RFESD: variants seen among roughly 807,000 people sequenced by gnomAD.
The protein encoded by RFESD is Rieske Fe-S domain containing.
A neutral mutation model predicts 24.4 loss-of-function variants in RFESD; 16 were observed. That is an observed-to-expected ratio of 0.66 (90% CI 0.44 to 1.00). RFESD has a LOEUF of 1.00. RFESD is among the 50% of genes least tolerant of loss of function. The pLI is 0.00. For missense variants in RFESD, 208 were observed against 247.0 expected (o/e 0.84, Z 1.06); for synonymous variants, 59 against 81.8 (o/e 0.72, Z 1.50).
In RFESD at chr5:95,656,378, T is replaced by C; in HGVS notation, c.*69T>C. On this transcript the variant is annotated 3_prime_UTR_variant, in exon 6 of 6. Transcript: ENST00000380005. ...CATTTTTAGAATAACTCTGCTTCAG[T>C]TTTAAAGGTGATGAAATTTTTCAAC... 1 of 1,324,690 alleles carries C rather than the reference T, an allele frequency of 7.5e-7. No individual in the cohort carries two copies. The highest frequency in any genetic ancestry group is 1.0e-6 in the Non-Finnish European group (1 of 964,600). 82.1% of individuals were successfully genotyped at this position (1,324,690 alleles called of 1,614,324 possible).
intron 2 of RFESD, 134 bp from the exon 3 acceptor site, chr5:95,652,983 T>G: frequency 8.1e-7 from 1 of 1,240,954 alleles, no homozygotes; most frequent in Non-Finnish European, 1.1e-6. Context: ...GCTCTTAGAG[T>G]AAAATCCATA....
chr5:95,653,486 T>C (rs1750488848), intron 3 of RFESD, among the ~76,000 whole-genome samples: 1 of 152,270 alleles, frequency 6.6e-6, no homozygotes, highest in Non-Finnish European at 1.5e-5. Flanking sequence ...TTCTGAAATT[T>C]CCTTCTTGAC....
intron 1 of RFESD, among the ~76,000 whole-genome samples, chr5:95,648,358 T>G (rs747323038): frequency 9.2e-5 from 14 of 152,214 alleles, no homozygotes; most frequent in Non-Finnish European, 1.8e-4. Flanking sequence ...CTGTATGAGT[T>G]GTTTAATTTT....
chr5:95,652,123 C>A lies in RFESD; in HGVS notation c.-135-14C>A. On this transcript the variant is annotated splice_polypyrimidine_tract_variant and intron_variant, in intron 1 of 5. Coordinates refer to ENST00000380005, the MANE Select transcript of RFESD (RefSeq NM_001131066.2). ...GAATTTATGTGGCCTCATTGCCTGC[C>A]TTTTTTTTTCCAGGTTACCACCTAT... 1 of 1,037,650 alleles carries A rather than the reference C, an allele frequency of 9.6e-7. No individual in the cohort carries two copies. The highest frequency in any genetic ancestry group is 1.3e-6 in the Non-Finnish European group (1 of 758,868). The allele number at this position is 1,037,650 out of a possible 1,614,324, so 64.3% of individuals were successfully genotyped here.
intron 1 of RFESD, among the ~76,000 whole-genome samples, chr5:95,649,665 T>C (rs529477619): frequency 1.3e-5 from 2 of 152,376 alleles, no homozygotes; most frequent in East Asian, 3.9e-4. Context: ...TGGCCTTGCT[T>C]TGCATTTCCT....
Position 95,654,204 on chromosome 5 carries a change from G to A in RFESD, c.302G>A (p.Gly101Glu), listed in dbSNP as rs1183563999. ...DREVVIFYHKGEYHAMDIRCY... is the reference protein window; with the variant it reads ...DREVVIFYHKEEYHAMDIRCY... ...GAAGTGGTCATTTTCTACCACAAGG[G>A]AGAATATCATGCTATGGATATTCGC... The change falls in exon 4 of 6, where the codon GGA (glycine) becomes GAA (glutamate). Residue 101 changes from glycine (G) to glutamate (E), a missense_variant. Gly to Glu is a moderately conservative substitution (Grantham distance 98, BLOSUM62 -2). Transcript: ENST00000380005. 2 of 1,613,070 alleles carry A rather than the reference G, an allele frequency of 1.2e-6. No individual in the cohort carries two copies. Among genetic ancestry groups the A allele is most frequent in the Admixed American group, 1.7e-5 (1 of 59,996 alleles).
rs1750590066 is a variant in RFESD at position 95,654,364 on chromosome 5, A to G, written c.366A>G (p.Ile122Met). Residue 122 changes from isoleucine (I) to methionine (M), a missense_variant, in exon 5 of 6, where the codon ATA (isoleucine) becomes ATG (methionine). Coordinates refer to ENST00000380005, the MANE Select transcript of RFESD (RefSeq NM_001131066.2). ...HSGGPLHLGD[I>M]EDFDGRPCIV... ...GAGGACCTTTACATTTGGGAGATAT[A>G]GAGGTATGTAAAATTAAATTTATTT... 1 of 1,589,336 alleles carries G rather than the reference A, an allele frequency of 6.3e-7. No homozygotes were observed. The highest frequency in any genetic ancestry group is 8.6e-7 in the Non-Finnish European group (1 of 1,163,636).
intron 1 of RFESD, chr5:95,647,990 C>T (rs1750175477): frequency 5.9e-5 from 9 of 152,156 alleles, no homozygotes; most frequent in Admixed American, 5.2e-4. Flanking sequence ...GGGTGTCATA[C>T]TTGAGATAAG....
In RFESD at chr5:95,653,223, A is replaced by C; in HGVS notation, c.158+9A>C. On this transcript the variant is annotated intron_variant, in intron 3 of 5. Coordinates refer to ENST00000380005, the MANE Select transcript of RFESD (RefSeq NM_001131066.2). ...ACCAGTTTTTATCTGAGGTAAGAAA[A>C]TGAAAGGTTTTCATTCATACCCACC... is the stretch of plus-strand genomic sequence containing the variant. The C allele has an allele frequency of 6.4e-7, 1 of 1,551,648 alleles. No homozygotes were observed. Among genetic ancestry groups the C allele is most frequent in the South Asian group, 1.2e-5 (1 of 84,062 alleles).
chr5:95,654,496 A>C (rs1750603267), intron 5 of RFESD, 129 bp downstream of exon 5: 2 of 678,860 alleles, frequency 2.9e-6, no homozygotes, highest in Non-Finnish European at 5.0e-6. Context: ...TTCATAAGAT[A>C]AATGAGAAAT....
At chr5:95,653,065 A>G in intron 2 of RFESD, 52 bp from the exon 3 acceptor site, 2 of 1,547,714 alleles carry the variant, frequency 1.3e-6, no homozygotes, top group Non-Finnish European at 8.7e-7. Context: ...TCTGGAACAC[A>G]TTCACCAAGA....
chr5:95,653,067 TC>T (rs1479100026), intron 2 of RFESD, 49 bp from the exon 3 acceptor site: 1 of 1,548,040 alleles, frequency 6.5e-7, no homozygotes, highest in South Asian at 1.2e-5. Flanking sequence ...TGGAACACAT[TC>T]ACCAAGACTT....
intron 1 of RFESD, chr5:95,647,100 T>C (rs1580252146): frequency 6.6e-6 from 1 of 152,152 alleles, no homozygotes; most frequent in South Asian, 2.1e-4. Flanking sequence ...TTTCATGGCA[T>C]TTGTGCCATG....
At position 95,651,625 on chromosome 5, in the gene RFESD, C is replaced by T. The variant is rs147167418; in HGVS notation, c.-135-512C>T. 2.5e-3 allele frequency among the ~76,000 whole-genome samples: 384 copies of T among 152,260 alleles called. 2 individuals carry two copies. The highest frequency in any genetic ancestry group is 8.9e-3 in the African/African-American group (369 of 41,546). ...ATGTTGCCTAGGCTGGTCTTGAATT[C>T]TTGGCAATTGATTTTCCCACCCAGG... On this transcript the variant is annotated intron_variant, in intron 1 of 5. Coordinates refer to ENST00000380005, the MANE Select transcript of RFESD (RefSeq NM_001131066.2).
intron 1 of RFESD, among the ~76,000 whole-genome samples, chr5:95,648,734 G>C (rs936745566): frequency 6.6e-6 from 1 of 152,040 alleles, no homozygotes; most frequent in East Asian, 1.9e-4. Flanking sequence ...CCAGTTTGTC[G>C]GGTTGGAGGC....
chr5:95,648,934 A>G (rs558026775), intron 1 of RFESD, among the ~76,000 whole-genome samples: 1 of 88,486 alleles, frequency 1.1e-5, no homozygotes, highest in East Asian at 2.8e-4. Context: ...GAAAACAACT[A>G]TTCATTTATT....
chr5:95,647,303 G>A (rs1417409208), intron 1 of RFESD: 1 of 152,232 alleles, frequency 6.6e-6, no homozygotes, highest in African/African-American at 2.4e-5. Flanking sequence ...AGAGCTGGAT[G>A]GACCTTAGAG....
In RFESD at chr5:95,657,673, TA is replaced by T. The variant is rs1750842982; in HGVS notation, c.*1365del. ...CTTACTTACCTTTACTACATATTAT[TA>T]CACTTCCTTTTCTGTTGGAGTTTGG... On this transcript the variant is annotated 3_prime_UTR_variant, in exon 6 of 6. Transcript: ENST00000380005. 1 of 152,180 alleles carries T rather than the reference TA, an allele frequency of 6.6e-6. No individual in the cohort carries two copies. The highest frequency in any genetic ancestry group is 2.1e-4 in the South Asian group (1 of 4,826). 9.4% of individuals were successfully genotyped at this position (152,180 alleles called of 1,614,324 possible). A position where few individuals can be genotyped will look rare whatever the true frequency, so the allele number is the denominator to read the frequency against.
rs1461605160 is a variant in RFESD, at chr5:95,648,204, T to TA, written c.-136+1388dup. On this transcript the variant is annotated intron_variant, in intron 1 of 5. Coordinates refer to ENST00000380005, the MANE Select transcript of RFESD (RefSeq NM_001131066.2). ...GGAAAGGAATCTAATAGTGACCGAG[T>TA]ATCCATTTAGCTAATTTGTAATTTT... is the stretch of plus-strand genomic sequence containing the variant. 5.9e-5 allele frequency: 9 copies of TA among 152,214 alleles called. No homozygotes were observed. In the East Asian group the frequency reaches 1.5e-3, roughly 26 times the overall value. The allele number at this position is 152,214 out of a possible 1,614,324, so 9.4% of individuals were successfully genotyped here. A position where few individuals can be genotyped will look rare whatever the true frequency, so the allele number is the denominator to read the frequency against.
Sources: allele counts gnomAD v4.1 joint callset (sites outside exome capture counted in the v4.1 genomes callset), GRCh38; gene constraint gnomAD v4.1.1; transcripts MANE v1.5; gene names NCBI Gene and HGNC (gene_info 2026-07-23, HGNC 2026-07-21).